Variants in CEP112 observed in about 807,000 individuals in gnomAD.
CEP112 encodes the protein centrosomal protein 112, also known as centrosomal protein of 112 kDa.
Under a neutral mutation model 153.0 loss-of-function variants are expected in CEP112, and 127 were observed. The ratio of observed to expected loss-of-function variants is 0.83; its 90% CI spans 0.72 to 0.96. The LOEUF is 0.96. CEP112 is among the 40% of genes least tolerant of loss of function. CEP112 has a pLI of 0.00. For missense variants in CEP112, 1,089 were observed against 1,101.2 expected, an observed-to-expected ratio of 0.99 and a Z score of 0.16; for synonymous variants, 358 against 374.4, an observed-to-expected ratio of 0.96 and a Z score of 0.51.
chr17:66,136,069 C>T (rs985538141), intron 4 of CEP112, among the ~76,000 whole-genome samples: 1 of 152,154 alleles, frequency 6.6e-6, no homozygotes, highest in Non-Finnish European at 1.5e-5. Context: ...AGCATGAAAC[C>T]AACCACACTG....
chr17:65,673,837 TCTAA>T (rs1429284685), intron 24 of CEP112, among the ~76,000 whole-genome samples: 18 of 152,210 alleles, frequency 1.2e-4, no homozygotes, highest in Admixed American at 1.2e-3. Flanking sequence ...TTGCAACTTA[TCTAA>T]CTAACAAATG....
intron 17 of CEP112, among the ~76,000 whole-genome samples, chr17:65,996,213 T>C (rs1351733790): frequency 6.6e-6 from 1 of 151,848 alleles, no homozygotes; most frequent in African/African-American, 2.4e-5. Flanking sequence ...TTAAAATCAT[T>C]ATATTTGTAT....
intron 21 of CEP112, among the ~76,000 whole-genome samples, chr17:65,784,159 C>T (rs532563145): frequency 1.4e-4 from 21 of 152,172 alleles, no homozygotes; most frequent in African/African-American, 4.8e-4. Flanking sequence ...AAGGCAAGAG[C>T]GATCAAAAGG....
intron 6 of CEP112, among the ~76,000 whole-genome samples, chr17:66,121,707 T>C (rs939922277): frequency 1.3e-5 from 2 of 151,830 alleles, no homozygotes; most frequent in African/African-American, 4.8e-5. Flanking sequence ...TTTTTTTTGC[T>C]TTTTGTTTTT....
chr17:65,753,789 C>G (rs957604920), intron 21 of CEP112, among the ~76,000 whole-genome samples: 3 of 152,116 alleles, frequency 2.0e-5, no homozygotes, highest in Admixed American at 6.6e-5. Flanking sequence ...ACTAGAAAAT[C>G]TAAAAATTAA....
At chr17:65,833,500 C>G (rs1232104504) in intron 21 of CEP112, among the ~76,000 whole-genome samples, 1 of 152,122 alleles carries the variant, frequency 6.6e-6, no homozygotes, top group Non-Finnish European at 1.5e-5. Flanking sequence ...AAAACTTCAG[C>G]AAAATTTTAG....
chr17:66,055,595 T>A (rs182651309), intron 11 of CEP112, among the ~76,000 whole-genome samples: 67 of 152,282 alleles, frequency 4.4e-4, no homozygotes, highest in Admixed American at 1.6e-3. Context: ...TTTCCTCATG[T>A]TTAAGGTCTC....
chr17:66,034,906 CT>C (rs1438410524), intron 12 of CEP112, among the ~76,000 whole-genome samples: 1 of 149,274 alleles, frequency 6.7e-6, no homozygotes, highest in African/African-American at 2.5e-5. Context: ...CTCCCAAGTC[CT>C]AATGCTTCAG....
intron 2 of CEP112, among the ~76,000 whole-genome samples, chr17:66,180,132 C>G (rs1057164517): frequency 3.3e-5 from 5 of 152,058 alleles, no homozygotes; most frequent in Non-Finnish European, 7.4e-5. Flanking sequence ...ATCAGGGATA[C>G]TGGCCTGTAG....
chr17:65,665,070 C>A (rs1030813097), intron 24 of CEP112, among the ~76,000 whole-genome samples: 1 of 152,230 alleles, frequency 6.6e-6, no homozygotes, highest in Admixed American at 6.5e-5. Flanking sequence ...CTTCCAAAGG[C>A]CCCATCTCCG....
intron 17 of CEP112, among the ~76,000 whole-genome samples, chr17:65,998,153 G>A (rs1012264532): frequency 1.1e-4 from 17 of 152,004 alleles, no homozygotes; most frequent in Non-Finnish European, 2.2e-4. Flanking sequence ...GCCTGAGGTG[G>A]ATGGATCACT....
At chr17:65,747,536 T>C (rs1045609709) in intron 22 of CEP112, among the ~76,000 whole-genome samples, 5 of 152,208 alleles carry the variant, frequency 3.3e-5, no homozygotes, top group Non-Finnish European at 7.3e-5. Flanking sequence ...GAAAACTATA[T>C]TAATATTGAA....
At chr17:65,884,879 G>A (rs1035923547) in intron 20 of CEP112, among the ~76,000 whole-genome samples, 1 of 151,730 alleles carries the variant, frequency 6.6e-6, no homozygotes, top group Admixed American at 6.6e-5. Context: ...CACCACCCTG[G>A]CTAATTTTGT....
intron 6 of CEP112, among the ~76,000 whole-genome samples, chr17:66,101,168 A>G (rs142775781): frequency 0.042 from 6,379 of 152,254 alleles, 169 homozygotes; most frequent in South Asian, 0.065. Context: ...TTAGACATTT[A>G]TAACTTTATT....
intron 23 of CEP112, among the ~76,000 whole-genome samples, chr17:65,702,922 C>T (rs1349762494): frequency 6.6e-6 from 1 of 152,164 alleles, no homozygotes; most frequent in African/African-American, 2.4e-5. Context: ...ATTCAGTTAA[C>T]CCCCTTCCAG....
At chr17:66,165,129 C>T (rs1162308397) in intron 4 of CEP112, among the ~76,000 whole-genome samples, 2 of 150,130 alleles carry the variant, frequency 1.3e-5, no homozygotes, top group East Asian at 3.9e-4. Flanking sequence ...CCCATTCCTA[C>T]CCCACATCCC....
chr17:65,735,141 T>C (rs188228442), intron 23 of CEP112, among the ~76,000 whole-genome samples: 1 of 152,324 alleles, frequency 6.6e-6, no homozygotes, highest in Non-Finnish European at 1.5e-5. Context: ...GTGGTATTAG[T>C]TTTCCAAAAT....
intron 24 of CEP112, among the ~76,000 whole-genome samples, chr17:65,670,882 A>T (rs955646404): frequency 9.8e-6 from 1 of 101,738 alleles, no homozygotes; most frequent in African/African-American, 3.9e-5. Context: ...TGTACAAAGC[A>T]CTGTGGTAGT....
chr17:66,096,677 GA>G, intron 6 of CEP112, 45 bp from the exon 7 acceptor site: 1 of 1,230,238 alleles, frequency 8.1e-7, no homozygotes, highest in Non-Finnish European at 1.2e-6. Flanking sequence ...ATTAATTTTG[GA>G]GTTTTAATTA....
Sources: allele counts gnomAD v4.1 joint callset (sites outside exome capture counted in the v4.1 genomes callset), GRCh38; gene constraint gnomAD v4.1.1; transcripts MANE v1.5; gene names NCBI Gene and HGNC (gene_info 2026-07-23, HGNC 2026-07-21).